STXBP5: variants seen among roughly 807,000 people sequenced by gnomAD.
STXBP5 encodes the protein syntaxin-binding protein 5.
Under a neutral mutation model 152.4 loss-of-function variants are expected in STXBP5, and 50 were observed. That is an observed-to-expected ratio of 0.33 (90% confidence interval 0.26 to 0.42). The LOEUF (loss-of-function observed/expected upper bound fraction) is 0.42, where lower values mean the gene tolerates loss of function less well. STXBP5 is among the 10% of genes least tolerant of loss of function. The pLI is 1.00. For synonymous variants in STXBP5, 492 were observed against 494.7 expected (o/e 0.99, Z 0.07); for missense variants, 1,167 against 1,388.6 (o/e 0.84, Z 2.54).
intron 16 of STXBP5, among the ~76,000 whole-genome samples, chr6:147,323,539 T>G (rs1428821720): frequency 6.6e-6 from 1 of 151,744 alleles, no homozygotes; most frequent in Non-Finnish European, 1.5e-5. Context: ...TTGCAGGTGC[T>G]CACCACCACA....
chr6:147,334,069 CA>C (rs1374117801), intron 18 of STXBP5, 87 bp from the exon 19 acceptor site: 45 of 1,260,154 alleles, frequency 3.6e-5, no homozygotes, highest in Non-Finnish European at 4.8e-5. Context: ...TTTAAATGGA[CA>C]GTAGTTAAAT....
chr6:147,308,831 A>G (rs1352423340), intron 9 of STXBP5, among the ~76,000 whole-genome samples: 1 of 152,132 alleles, frequency 6.6e-6, no homozygotes, highest in Non-Finnish European at 1.5e-5. Context: ...AGTGGTTTTA[A>G]TGGGTGTTTT....
intron 9 of STXBP5, among the ~76,000 whole-genome samples, chr6:147,308,561 C>T (rs899369377): frequency 6.6e-6 from 1 of 151,940 alleles, no homozygotes; most frequent in African/African-American, 2.4e-5. Flanking sequence ...AACCACTGCC[C>T]TCATGAAGCA....
chr6:147,364,188 G>C, intron 25 of STXBP5, 22 bp downstream of exon 25: 1 of 1,600,656 alleles, frequency 6.2e-7, no homozygotes, highest in Non-Finnish European at 8.5e-7. Context: ...AAATATTACT[G>C]TAATTTCTTC....
At chr6:147,373,881 A>T (rs771373056) in intron 26 of STXBP5, 39 bp downstream of exon 26, 2 of 1,515,434 alleles carry the variant, frequency 1.3e-6, no homozygotes, top group Non-Finnish European at 1.8e-6. Flanking sequence ...ATATCTATAA[A>T]ACAGGAACAA....
At chr6:147,260,896 G>T (rs1426046977) in intron 5 of STXBP5, 147 bp downstream of exon 5, 3 of 1,077,432 alleles carry the variant, frequency 2.8e-6, no homozygotes, top group Non-Finnish European at 3.8e-6. Flanking sequence ...AGTTTTTTAT[G>T]AGTAGTATTT....
intron 3 of STXBP5, among the ~76,000 whole-genome samples, chr6:147,236,368 A>G (rs1004132374): frequency 6.6e-6 from 1 of 152,110 alleles, no homozygotes; most frequent in African/African-American, 2.4e-5. Flanking sequence ...GACTCAGATT[A>G]TTTTTCCTCC....
chr6:147,219,144 T>C (rs952864300), intron 2 of STXBP5, among the ~76,000 whole-genome samples: 4 of 152,194 alleles, frequency 2.6e-5, no homozygotes, highest in African/African-American at 9.6e-5. Context: ...ACCGACAGTG[T>C]TTATCTGGAA....
intron 9 of STXBP5, among the ~76,000 whole-genome samples, chr6:147,301,066 A>G (rs1781788465): frequency 1.3e-5 from 2 of 152,116 alleles, no homozygotes; most frequent in African/African-American, 2.4e-5. Context: ...GACATCACTA[A>G]TCATCAGGGA....
chr6:147,232,257 AG>A (rs1357294913), intron 2 of STXBP5, among the ~76,000 whole-genome samples: 3 of 151,830 alleles, frequency 2.0e-5, no homozygotes, highest in African/African-American at 7.2e-5. Flanking sequence ...TAAGTAAATA[AG>A]TAATAAATAA....
intron 8 of STXBP5, among the ~76,000 whole-genome samples, chr6:147,287,583 G>A (rs77322465): frequency 0.011 from 1,733 of 152,260 alleles, 42 homozygotes; most frequent in African/African-American, 0.04. Flanking sequence ...TGTACTTTAG[G>A]AAGATTCCTC....
intron 17 of STXBP5, among the ~76,000 whole-genome samples, chr6:147,326,698 C>A (rs1783276235): frequency 6.6e-6 from 1 of 152,132 alleles, no homozygotes; most frequent in Non-Finnish European, 1.5e-5. Flanking sequence ...TGTATGCTTT[C>A]TACTTTTTAT....
At position 147,389,465 on chromosome 6, in the gene STXBP5, T is replaced by G. The variant is rs994886103; in HGVS notation, c.*4710T>G. ...TTCATTTACAAATTCAGTACAGTAG[T>G]CCAGGGCTACATGTAAGTGGTCTCT... On this transcript the variant is annotated 3_prime_UTR_variant, in exon 28 of 28. Coordinates refer to ENST00000321680, the MANE Select transcript of STXBP5 (RefSeq NM_001127715.4). The G allele has an allele frequency of 6.6e-6, 1 of 151,844 alleles. No individual in the cohort carries two copies. Among genetic ancestry groups the G allele is most frequent in the Non-Finnish European group, 1.5e-5 (1 of 67,800 alleles). The allele number at this position is 151,844 out of a possible 1,614,324, so 9.4% of individuals were successfully genotyped here. A position where few individuals can be genotyped will look rare whatever the true frequency, so the allele number is the denominator to read the frequency against.
intron 16 of STXBP5, among the ~76,000 whole-genome samples, chr6:147,321,123 A>G (rs1247212984): frequency 6.6e-6 from 1 of 152,168 alleles, no homozygotes; most frequent in Admixed American, 6.5e-5. Context: ...TTTTTTAAAA[A>G]TCACAAACAA....
At chr6:147,304,591 A>G (rs1450940330) in intron 9 of STXBP5, among the ~76,000 whole-genome samples, 1 of 152,088 alleles carries the variant, frequency 6.6e-6, no homozygotes, top group African/African-American at 2.4e-5. Context: ...TCCAGACCCC[A>G]GAATGGTAGA....
chr6:147,206,600 GT>G (rs1200415324), intron 2 of STXBP5, among the ~76,000 whole-genome samples: 1 of 152,046 alleles, frequency 6.6e-6, no homozygotes, highest in Non-Finnish European at 1.5e-5. Flanking sequence ...ATTTCTACCA[GT>G]TTTTAGAGCG....
Position 147,295,592 on chromosome 6 carries a change from G to C in STXBP5, c.917+4420G>C, listed in dbSNP as rs9497743. On this transcript the variant is annotated intron_variant, in intron 9 of 27. Coordinates refer to ENST00000321680, the MANE Select transcript of STXBP5 (RefSeq NM_001127715.4). The stretch of plus-strand genomic sequence containing the variant: ...CAACCCAGGATGACGGCATAGAGGG[G>C]GAGCAAAACACCCTGACTCTGCTGC... 7.7e-3 allele frequency among the ~76,000 whole-genome samples: 1,173 copies of C among 152,256 alleles called. 19 individuals carry two copies. The highest frequency in any genetic ancestry group is 0.026 in the African/African-American group (1,076 of 41,552).
chr6:147,261,925 AAAT>A (rs1269699146), intron 5 of STXBP5, among the ~76,000 whole-genome samples: 3 of 151,936 alleles, frequency 2.0e-5, no homozygotes, highest in Non-Finnish European at 4.4e-5. Context: ...TGGGATGCCT[AAAT>A]TGGAGGCTAG....
intron 18 of STXBP5, among the ~76,000 whole-genome samples, chr6:147,331,232 G>T (rs73586338): frequency 0.017 from 2,531 of 152,262 alleles, 52 homozygotes; most frequent in African/African-American, 0.055. Context: ...TAAGGGGGAG[G>T]TAGCTATTGC....
Sources: gnomAD v4.1 joint callset for allele counts (sites outside exome capture counted in the v4.1 genomes callset) on GRCh38, gnomAD v4.1.1 for gene constraint, MANE v1.5 for transcripts, NCBI Gene and HGNC (gene_info 2026-07-23, HGNC 2026-07-21) for gene names.